Variants in SCHIP1 observed in about 807,000 individuals in gnomAD.
SCHIP1 encodes the protein schwannomin interacting protein 1, also known as schwannomin-interacting protein 1.
SCHIP1 carries 8 observed loss-of-function variants against 29.7 expected under a neutral mutation model. The observed-to-expected ratio is 0.27, with a 90% confidence interval of 0.16 to 0.49. SCHIP1 has a LOEUF of 0.49. Ranked by LOEUF, SCHIP1 falls within the 20% of genes least tolerant of loss-of-function variation. The pLI is 0.99. For synonymous variants in SCHIP1, 76 were observed against 94.9 expected (o/e 0.80, Z 1.16); for missense variants, 193 against 294.6 (o/e 0.66, Z 2.52).
At chr3:159,439,647 T>C in the SCHIP1 span, among the ~76,000 whole-genome samples, 1 of 152,182 alleles carries the variant, frequency 6.6e-6, no homozygotes, top group East Asian at 1.9e-4. Context: ...ATGTCGAACT[T>C]TTTATCATAT....
the SCHIP1 span, among the ~76,000 whole-genome samples, chr3:159,556,072 A>G: frequency 6.6e-6 from 1 of 152,204 alleles, no homozygotes; most frequent in Admixed American, 6.5e-5. Context: ...AATTTACAAG[A>G]AAAAAACAAA....
chr3:159,496,408 G>GA, the SCHIP1 span, among the ~76,000 whole-genome samples: 1 of 151,866 alleles, frequency 6.6e-6, no homozygotes, highest in East Asian at 1.9e-4. Context: ...AAATTTACAA[G>GA]AAAAAAACAA....
the SCHIP1 span, among the ~76,000 whole-genome samples, chr3:159,691,465 C>T: frequency 2.7e-5 from 4 of 147,042 alleles, no homozygotes; most frequent in Admixed American, 2.1e-4. Context: ...AATATTCCTC[C>T]ATCCCCTTAT....
At chr3:159,445,061 A>T in the SCHIP1 span, among the ~76,000 whole-genome samples, 8 of 152,204 alleles carry the variant, frequency 5.3e-5, no homozygotes. Flanking sequence ...CTGCACAGCA[A>T]AAGGAACTAC....
At chr3:159,710,227 G>A in the SCHIP1 span, among the ~76,000 whole-genome samples, 44 of 151,816 alleles carry the variant, frequency 2.9e-4, no homozygotes, top group East Asian at 8.1e-3. Context: ...TTTTTAATAC[G>A]CTAGATATAC....
chr3:159,644,369 C>T, the SCHIP1 span, among the ~76,000 whole-genome samples: 1 of 152,056 alleles, frequency 6.6e-6, no homozygotes, highest in African/African-American at 2.4e-5. Flanking sequence ...TATCACTGAT[C>T]AGGAACTATG....
chr3:159,750,897 A>AC, the SCHIP1 span, among the ~76,000 whole-genome samples: 5 of 138,270 alleles, frequency 3.6e-5, no homozygotes, highest in South Asian at 4.4e-4. Context: ...CATTTTCCAA[A>AC]CAAACAAAAA....
At chr3:159,489,725 A>G in the SCHIP1 span, among the ~76,000 whole-genome samples, 1 of 152,162 alleles carries the variant, frequency 6.6e-6, no homozygotes, top group African/African-American at 2.4e-5. Context: ...ACAGACATAT[A>G]TTTAATTAAA....
chr3:159,280,860 C>T, the SCHIP1 span, among the ~76,000 whole-genome samples: 1 of 152,226 alleles, frequency 6.6e-6, no homozygotes, highest in East Asian at 1.9e-4. Flanking sequence ...CAGTGTCCCA[C>T]AAACAGACAA....
At chr3:159,857,009 A>T (rs1349541060) in intron 1 of SCHIP1, among the ~76,000 whole-genome samples, 1 of 152,160 alleles carries the variant, frequency 6.6e-6, no homozygotes, top group African/African-American at 2.4e-5. Context: ...GAACCATGTT[A>T]AGTTACCGAA....
chr3:159,786,985 T>TTTGGCAAGCTTTGGCCACC, the SCHIP1 span, among the ~76,000 whole-genome samples: 1 of 152,168 alleles, frequency 6.6e-6, no homozygotes, highest in Non-Finnish European at 1.5e-5. Flanking sequence ...ACTGGCCAGC[T>TTTGGCAAGCTTTGGCCACC]TTGGTATTGA....
chr3:159,305,209 T>C, the SCHIP1 span, among the ~76,000 whole-genome samples: 26 of 152,184 alleles, frequency 1.7e-4, no homozygotes, highest in African/African-American at 5.1e-4. Context: ...CTGGGTCCAG[T>C]AGCAGGGGAT....
At chr3:159,720,172 G>A in the SCHIP1 span, among the ~76,000 whole-genome samples, 1 of 133,444 alleles carries the variant, frequency 7.5e-6, no homozygotes, top group Non-Finnish European at 1.5e-5. Context: ...GGTGGGAATT[G>A]AACAATGAGA....
the SCHIP1 span, among the ~76,000 whole-genome samples, chr3:159,634,464 G>A: frequency 6.6e-6 from 1 of 152,162 alleles, no homozygotes; most frequent in Non-Finnish European, 1.5e-5. Flanking sequence ...AGGAAATGCT[G>A]AACAGTTAGA....
chr3:159,554,099 T>C, the SCHIP1 span, among the ~76,000 whole-genome samples: 3 of 151,164 alleles, frequency 2.0e-5, no homozygotes, highest in African/African-American at 2.4e-5. Context: ...CTCGGACTCC[T>C]GACCTCGTGA....
chr3:159,277,575 G>A, the SCHIP1 span, among the ~76,000 whole-genome samples: 1 of 147,454 alleles, frequency 6.8e-6, no homozygotes, highest in Non-Finnish European at 1.5e-5. Flanking sequence ...TATGTGACTA[G>A]TAAGGGACCT....
chr3:159,780,616 A>G, the SCHIP1 span, among the ~76,000 whole-genome samples: 1 of 152,352 alleles, frequency 6.6e-6, no homozygotes, highest in South Asian at 2.1e-4. Flanking sequence ...TCATAAATGT[A>G]ACATGCCAAG....
At chr3:159,587,585 C>T in the SCHIP1 span, among the ~76,000 whole-genome samples, 3 of 152,268 alleles carry the variant, frequency 2.0e-5, no homozygotes, top group African/African-American at 7.2e-5. Context: ...TCATAATTTA[C>T]ATTAGGTATA....
chr3:159,426,985 T>C, the SCHIP1 span, among the ~76,000 whole-genome samples: 5 of 152,254 alleles, frequency 3.3e-5, no homozygotes, highest in African/African-American at 7.2e-5. Flanking sequence ...AATTCAACAA[T>C]GCTTCATGCT....
Sources: gnomAD v4.1 joint callset for allele counts (sites outside exome capture counted in the v4.1 genomes callset) on GRCh38, gnomAD v4.1.1 for gene constraint, MANE v1.5 for transcripts, NCBI Gene and HGNC (gene_info 2026-07-23, HGNC 2026-07-21) for gene names.